Variants in SHOC2 observed in about 807,000 individuals in gnomAD.
SHOC2 encodes SHOC2 leucine rich repeat scaffold protein, also known as leucine-rich repeat protein SHOC-2.
In SHOC2, 4 loss-of-function variants were observed where a neutral mutation model predicts 50.2. The observed-to-expected ratio is 0.08, with a 90% confidence interval of 0.04 to 0.18. The LOEUF is 0.18. Among genes scored for constraint, SHOC2 ranks in the 10% least tolerant of loss-of-function variants. The pLI is 1.00. For missense variants in SHOC2, 388 were observed against 669.6 expected (o/e 0.58, Z 4.64); for synonymous variants, 218 against 244.5 (o/e 0.89, Z 1.01).
At chr10:110,933,646 G>A (rs1846938916) in intron 1 of SHOC2, among the ~76,000 whole-genome samples, 1 of 152,144 alleles carries the variant, frequency 6.6e-6, no homozygotes, top group African/African-American at 2.4e-5. Flanking sequence ...TCATTAAGAA[G>A]TATGGAGCTG....
At chr10:110,946,531 G>A (rs557010262) in intron 1 of SHOC2, among the ~76,000 whole-genome samples, 6 of 151,770 alleles carry the variant, frequency 4.0e-5, no homozygotes, top group Non-Finnish European at 7.4e-5. Flanking sequence ...ATAAAGCAGG[G>A]TAAAAAGAAT....
intron 1 of SHOC2, chr10:110,951,462 A>C (rs1847349838): frequency 6.6e-6 from 1 of 152,202 alleles, no homozygotes; most frequent in African/African-American, 2.4e-5. Context: ...CATGTACTGA[A>C]AAATAGTATG....
chr10:110,977,837 A>G (rs1324367505), intron 2 of SHOC2, among the ~76,000 whole-genome samples: 3 of 152,198 alleles, frequency 2.0e-5, no homozygotes, highest in African/African-American at 7.2e-5. Context: ...AATTCACACT[A>G]TTCACAACCT....
chr10:110,954,905 G>A (rs1474180931), intron 1 of SHOC2, among the ~76,000 whole-genome samples: 1 of 152,160 alleles, frequency 6.6e-6, no homozygotes, highest in Non-Finnish European at 1.5e-5. Context: ...CAGTGTGACT[G>A]GGGAATAGTA....
chr10:110,930,789 GT>G (rs1846881277), intron 1 of SHOC2, among the ~76,000 whole-genome samples: 2 of 85,374 alleles, frequency 2.3e-5, no homozygotes, highest in South Asian at 8.3e-4. Context: ...TTCAGATAAT[GT>G]TTGGTCATTT....
intron 1 of SHOC2, among the ~76,000 whole-genome samples, chr10:110,927,535 T>A (rs1036609566): frequency 6.6e-6 from 1 of 152,212 alleles, no homozygotes; most frequent in African/African-American, 2.4e-5. Context: ...AAGTAGTGAT[T>A]TGAAATTCTT....
intron 1 of SHOC2, among the ~76,000 whole-genome samples, chr10:110,962,981 C>T (rs1217911214): frequency 6.6e-6 from 1 of 152,184 alleles, no homozygotes; most frequent in Non-Finnish European, 1.5e-5. Context: ...GAGAGGTTCA[C>T]ATCCTATAAA....
intron 3 of SHOC2, among the ~76,000 whole-genome samples, chr10:110,988,362 A>G (rs1454797553): frequency 2.6e-5 from 4 of 152,062 alleles, no homozygotes; most frequent in East Asian, 3.9e-4. Flanking sequence ...TTTTAAAGCA[A>G]TTTCAATTAC....
At chr10:110,941,565 C>T (rs2095139045) in intron 1 of SHOC2, among the ~76,000 whole-genome samples, 1 of 152,136 alleles carries the variant, frequency 6.6e-6, no homozygotes, top group East Asian at 1.9e-4. Context: ...CTCCTGGCCT[C>T]AAGTGATCCA....
chr10:110,949,549 C>T (rs1263855893), intron 1 of SHOC2, among the ~76,000 whole-genome samples: 1 of 151,968 alleles, frequency 6.6e-6, no homozygotes, highest in Non-Finnish European at 1.5e-5. Flanking sequence ...CTTCCAAAAC[C>T]TTAGAGGAGG....
intron 1 of SHOC2, among the ~76,000 whole-genome samples, chr10:110,928,964 C>CT (rs1348314428): frequency 2.0e-5 from 3 of 152,268 alleles, no homozygotes; most frequent in East Asian, 3.9e-4. Flanking sequence ...TATGAAAAAA[C>CT]TTTCCTGGCT....
intron 2 of SHOC2, among the ~76,000 whole-genome samples, chr10:110,979,052 C>T (rs1188240240): frequency 2.0e-5 from 3 of 152,210 alleles, no homozygotes; most frequent in African/African-American, 7.2e-5. Flanking sequence ...TCAGGCACAA[C>T]TTAACTGGAC....
chr10:110,979,348 C>T (rs951579226), intron 2 of SHOC2, among the ~76,000 whole-genome samples: 2 of 152,238 alleles, frequency 1.3e-5, no homozygotes, highest in Non-Finnish European at 2.9e-5. Context: ...TCTTTTGTAA[C>T]TGAATCACAA....
Position 110,964,331 on chromosome 10 carries a change from T to C in SHOC2, c.-28T>C, listed in dbSNP as rs1488897527. 6.2e-7 allele frequency: 1 copy of C among 1,609,094 alleles called. No individual in the cohort carries two copies. The highest frequency in any genetic ancestry group is 8.5e-7 in the Non-Finnish European group (1 of 1,177,520). On this transcript the variant is annotated 5_prime_UTR_variant, in exon 2 of 9. The change abolishes an upstream ATG in the 5' untranslated region. Transcript: ENST00000369452. The surrounding 1 kb of genome is among the most constrained non-coding windows in gnomAD (Gnocchi z 4.9). ...ATTACTGGAAAATAAAAGGAGTTCA[T>C]GTAGTTTTTGTCCAGGCTTGAGTCA...
chr10:110,925,626 T>G (rs1244404875), intron 1 of SHOC2, among the ~76,000 whole-genome samples: 4 of 152,162 alleles, frequency 2.6e-5, no homozygotes, highest in Non-Finnish European at 5.9e-5. Flanking sequence ...CTGGCTAATT[T>G]TTCTATTTTT....
intron 1 of SHOC2, among the ~76,000 whole-genome samples, chr10:110,947,422 T>G (rs1201730203): frequency 6.6e-6 from 1 of 152,222 alleles, no homozygotes; most frequent in African/African-American, 2.4e-5. Flanking sequence ...AAAGCTCCTC[T>G]GTAAAGACTG....
intron 8 of SHOC2, 128 bp downstream of exon 8, chr10:111,009,958 T>C (rs1172677242): frequency 3.1e-6 from 2 of 650,716 alleles, no homozygotes; most frequent in African/African-American, 3.7e-5. Context: ...AAGATTTTTT[T>C]TTTTAATAGA....
intron 4 of SHOC2, among the ~76,000 whole-genome samples, chr10:111,002,709 A>G (rs17766319): frequency 0.014 from 2,060 of 152,286 alleles, 27 homozygotes; most frequent in Non-Finnish European, 0.022. Context: ...TGATTATCTA[A>G]TTAATCCACC....
chr10:111,012,166 A>T lies in SHOC2; in HGVS notation c.*348A>T. On this transcript the variant is annotated 3_prime_UTR_variant, in exon 9 of 9. Coordinates refer to ENST00000369452, the MANE Select transcript of SHOC2 (RefSeq NM_007373.4). The stretch of plus-strand genomic sequence containing the variant: ...CTCTTAGGAAAAATAATGGGCAAAA[A>T]TTTTTGTTGCAACTTTTCATATATA... 4.3e-6 allele frequency: 1 copy of T among 232,250 alleles called. No homozygotes were observed. Among genetic ancestry groups the T allele is most frequent in the Non-Finnish European group, 8.5e-6 (1 of 117,622 alleles). 14.4% of individuals were successfully genotyped at this position (232,250 alleles called of 1,614,324 possible).
Sources: allele counts gnomAD v4.1 joint callset (sites outside exome capture counted in the v4.1 genomes callset), GRCh38; gene constraint gnomAD v4.1.1; non-coding constraint Gnocchi (gnomAD v3.1); transcripts MANE v1.5; gene names NCBI Gene and HGNC (gene_info 2026-07-23, HGNC 2026-07-21).